Variants in C2orf66 observed in about 807,000 individuals in gnomAD.
C2orf66 encodes the protein uncharacterized protein C2orf66.
In C2orf66, 6 loss-of-function variants were observed where a neutral mutation model predicts 7.0. That is an observed-to-expected ratio of 0.86 (90% CI 0.47 to 1.69). The LOEUF (loss-of-function observed/expected upper bound fraction) is 1.69, where lower values mean the gene tolerates loss of function less well. Among genes scored for constraint, C2orf66 ranks in the 40% most tolerant of loss-of-function variants. The pLI, the probability that C2orf66 is intolerant of heterozygous loss-of-function variation, is 0.01. For synonymous variants in C2orf66, 38 were observed against 43.8 expected (o/e 0.87, Z 0.52); for missense variants, 107 against 112.0 (o/e 0.96, Z 0.20).
At chr2:196,817,230 C>A in the C2orf66 span, among the ~76,000 whole-genome samples, 1 of 111,708 alleles carries the variant, frequency 9.0e-6, no homozygotes, top group East Asian at 2.5e-4. Flanking sequence ...CAAGTATTGT[C>A]TTTTTTTTTT....
upstream of C2orf66, among the ~76,000 whole-genome samples, chr2:196,813,641 A>T (rs1447728997): frequency 6.6e-6 from 1 of 152,258 alleles, no homozygotes. Flanking sequence ...GTGAACAGGC[A>T]ACCTACAGAA....
At chr2:196,807,358 C>T (rs1052426216) in intron 2 of C2orf66, 66 bp downstream of exon 2, 1 of 943,304 alleles carries the variant, frequency 1.1e-6, no homozygotes, top group African/African-American at 1.7e-5. Flanking sequence ...TAAATACTTT[C>T]AAAATATCTA....
At chr2:196,818,406 T>C in the C2orf66 span, among the ~76,000 whole-genome samples, 1 of 152,356 alleles carries the variant, frequency 6.6e-6, no homozygotes, top group African/African-American at 2.4e-5. Flanking sequence ...GATCAATTTC[T>C]GGGACTTGGG....
the C2orf66 span, among the ~76,000 whole-genome samples, chr2:196,822,444 C>T: frequency 6.6e-6 from 1 of 152,340 alleles, no homozygotes; most frequent in African/African-American, 2.4e-5. Flanking sequence ...TGAGAAATCT[C>T]AGAACCTGCT....
At chr2:196,821,115 T>C in the C2orf66 span, among the ~76,000 whole-genome samples, 1 of 152,058 alleles carries the variant, frequency 6.6e-6, no homozygotes. Flanking sequence ...ATGCTGGCCT[T>C]GAGGGCTGGT....
chr2:196,826,573 G>A, the C2orf66 span, among the ~76,000 whole-genome samples: 2 of 152,164 alleles, frequency 1.3e-5, no homozygotes, highest in South Asian at 4.1e-4. Context: ...AGAGGGAAAT[G>A]AGGAGTTCTT....
the C2orf66 span, among the ~76,000 whole-genome samples, chr2:196,825,459 A>C: frequency 1.3e-5 from 2 of 152,162 alleles, no homozygotes; most frequent in Non-Finnish European, 2.9e-5. Flanking sequence ...CAACACACAC[A>C]AGGTTACTGG....
intron 2 of C2orf66, among the ~76,000 whole-genome samples, chr2:196,806,934 C>G (rs992330878): frequency 6.6e-6 from 1 of 152,124 alleles, no homozygotes; most frequent in African/African-American, 2.4e-5. Context: ...GCCATCCTTA[C>G]TAATAGTCAA....
At chr2:196,822,629 T>C in the C2orf66 span, among the ~76,000 whole-genome samples, 9 of 152,342 alleles carry the variant, frequency 5.9e-5, no homozygotes, top group East Asian at 1.7e-3. Context: ...CACAAGCATA[T>C]TGCATTTTTT....
chr2:196,831,172 T>C, the C2orf66 span, among the ~76,000 whole-genome samples: 1 of 152,226 alleles, frequency 6.6e-6, no homozygotes, highest in African/African-American at 2.4e-5. Flanking sequence ...GGAGTCTCTT[T>C]GGCTCCCTCT....
the C2orf66 span, among the ~76,000 whole-genome samples, chr2:196,817,230 C>CT: frequency 0.14 from 15,516 of 111,630 alleles, 2,139 homozygotes; most frequent in African/African-American, 0.32. Context: ...CAAGTATTGT[C>CT]TTTTTTTTTT....
intron 2 of C2orf66, among the ~76,000 whole-genome samples, chr2:196,806,575 G>T (rs1000090416): frequency 4.6e-5 from 7 of 151,816 alleles, no homozygotes; most frequent in South Asian, 4.2e-4. Context: ...AATTCGCTGG[G>T]TGTGGTGGCT....
chr2:196,809,297 C>G lies in C2orf66; in HGVS notation c.40G>C (p.Val14Leu), dbSNP rs1699848587. 6.2e-7 allele frequency: 1 copy of G among 1,614,056 alleles called. No individual in the cohort carries two copies. ...APLLLLCVAL[V>L]LLGHVNGATV... is the part of the protein sequence containing the mutation. Reference sequence around the variant, plus strand: ...GCTCCATTCACATGCCCAAGCAGCACCAGGGCAACACATAGTAGCAGGAGA... The same window carrying G: ...GCTCCATTCACATGCCCAAGCAGCAGCAGGGCAACACATAGTAGCAGGAGA... Residue 14 changes from valine (V) to leucine (L), a missense_variant, in exon 1 of 3, where the codon GTG becomes CTG. Transcript: ENST00000342506.
At chr2:196,817,829 C>T in the C2orf66 span, among the ~76,000 whole-genome samples, 12 of 152,282 alleles carry the variant, frequency 7.9e-5, no homozygotes, top group South Asian at 2.1e-4. Flanking sequence ...TTTATAGGCT[C>T]TCTGCAAGAA....
At chr2:196,809,465 T>C (rs1231221031), upstream of C2orf66, 4 of 1,326,574 alleles carry the variant, frequency 3.0e-6, no homozygotes, top group African/African-American at 1.5e-5. Context: ...AATAGCATAC[T>C]GGTTTATCTA....
chr2:196,809,273 C>T lies in C2orf66; in HGVS notation c.64G>A (p.Ala22Thr). 6.2e-7 allele frequency: 1 copy of T among 1,614,114 alleles called. No homozygotes were observed. The highest frequency in any genetic ancestry group is 8.5e-7 in the Non-Finnish European group (1 of 1,180,016). The part of the protein sequence containing the change: ...ALVLLGHVNG[A>T]TVRNEDKWKP... ...CATTTGTCCTCATTTCTTACTGTGG[C>T]TCCATTCACATGCCCAAGCAGCACC... Residue 22 changes from alanine (A) to threonine (T), a missense_variant, in exon 1 of 3, where the codon GCC (alanine) becomes ACC (threonine). Coordinates refer to ENST00000342506, the MANE Select transcript of C2orf66 (RefSeq NM_213608.3).
the C2orf66 span, among the ~76,000 whole-genome samples, chr2:196,817,341 T>C: frequency 1.3e-5 from 2 of 151,152 alleles, no homozygotes; most frequent in Non-Finnish European, 2.9e-5. Flanking sequence ...TTCATGCCAT[T>C]CTCCTGCCTC....
At chr2:196,816,010 GCTT>G in the C2orf66 span, among the ~76,000 whole-genome samples, 1 of 152,246 alleles carries the variant, frequency 6.6e-6, no homozygotes, top group African/African-American at 2.4e-5. Flanking sequence ...AGGCCGGGCA[GCTT>G]TCTGCTCATA....
the C2orf66 span, among the ~76,000 whole-genome samples, chr2:196,830,903 G>A: frequency 1.3e-5 from 2 of 152,040 alleles, no homozygotes; most frequent in African/African-American, 2.4e-5. Context: ...CTTTGAGGGG[G>A]AACAAGGGGG....
Sources: gnomAD v4.1 joint callset for allele counts (sites outside exome capture counted in the v4.1 genomes callset) on GRCh38, gnomAD v4.1.1 for gene constraint, MANE v1.5 for transcripts, NCBI Gene and HGNC (gene_info 2026-07-23, HGNC 2026-07-21) for gene names.